Variants in SLC44A3 observed in about 807,000 individuals in gnomAD.
The protein encoded by SLC44A3 is choline transporter-like protein 3.
SLC44A3 carries 74 observed loss-of-function variants against 75.4 expected under a neutral mutation model. The observed-to-expected ratio is 0.98, with a 90% CI of 0.81 to 1.19. SLC44A3 has a LOEUF of 1.19. Ranked by LOEUF, SLC44A3 falls within the 50% of genes most tolerant of loss-of-function variation. The pLI is 0.00. For synonymous variants in SLC44A3, 310 were observed against 296.9 expected (o/e 1.04, Z -0.45); for missense variants, 700 against 778.6 (o/e 0.90, Z 1.20).
At chr1:94,850,164 T>C (rs901864813) in intron 9 of SLC44A3, among the ~76,000 whole-genome samples, 1 of 152,242 alleles carries the variant, frequency 6.6e-6, no homozygotes, top group South Asian at 2.1e-4. Flanking sequence ...ATCATTCTTT[T>C]GACTAGTTGA....
In SLC44A3 at chr1:94,894,920, T is replaced by C. The variant is rs759004962; in HGVS notation, c.1960T>C (p.Ter654GlnextTer4). 4.4e-6 allele frequency: 7 copies of C among 1,606,494 alleles called. No individual in the cohort carries two copies. In the East Asian group the frequency reaches 9.0e-5, roughly 21 times the overall value. Residue 654 changes from the stop codon to glutamine, a stop_lost, in exon 15 of 15, where the codon TAG becomes CAG. Transcript: ENST00000271227. ...EGTELQAIVR[*>Q] ...AACAGAACTCCAGGCCATTGTGAGATAGATACCCATTTAGGTATCTGTACC... is the reference window on the plus strand; with the variant it reads ...AACAGAACTCCAGGCCATTGTGAGACAGATACCCATTTAGGTATCTGTACC...
chr1:94,863,428 C>T (rs532818082), intron 10 of SLC44A3, among the ~76,000 whole-genome samples: 83 of 152,236 alleles, frequency 5.5e-4, no homozygotes, highest in African/African-American at 2.0e-3. Context: ...GTTTCCCTAC[C>T]AGATGGAAAG....
At chr1:94,854,228 A>G (rs1665571634) in intron 9 of SLC44A3, among the ~76,000 whole-genome samples, 1 of 152,204 alleles carries the variant, frequency 6.6e-6, no homozygotes, top group East Asian at 1.9e-4. Context: ...TGCTTAGGGG[A>G]CAGTGCAGAG....
At chr1:94,892,973 A>AT (rs1398038935) in intron 14 of SLC44A3, among the ~76,000 whole-genome samples, 1 of 152,212 alleles carries the variant, frequency 6.6e-6, no homozygotes, top group Non-Finnish European at 1.5e-5. Context: ...CTGTGCCAGT[A>AT]TTGACAGATC....
chr1:94,825,685 G>A (rs890756335), intron 3 of SLC44A3: 3 of 345,198 alleles, frequency 8.7e-6, no homozygotes, highest in African/African-American at 2.2e-5. Flanking sequence ...AAATCCTAAG[G>A]ATCTAAATAA....
chr1:94,820,934 C>G lies in SLC44A3; in HGVS notation c.28-15C>G, dbSNP rs1269551952. 2.6e-6 allele frequency: 4 copies of G among 1,547,346 alleles called. No homozygotes were observed. Among genetic ancestry groups the G allele is most frequent in the Non-Finnish European group, 3.5e-6 (4 of 1,144,092 alleles). On this transcript the variant is annotated splice_polypyrimidine_tract_variant and intron_variant, in intron 1 of 14. Transcript: ENST00000271227. The stretch of plus-strand genomic sequence containing the variant: ...TGTTTATCTTCTTTTTCTCAACTCT[C>G]CCTTTTTCTGGAAGGTTTCTGCAGA...
At chr1:94,884,760 T>C (rs997693006) in intron 12 of SLC44A3, among the ~76,000 whole-genome samples, 1 of 152,146 alleles carries the variant, frequency 6.6e-6, no homozygotes, top group African/African-American at 2.4e-5. Flanking sequence ...CTCAGCATGA[T>C]GGACAAAAGG....
At chr1:94,839,562 T>C (rs1663302227) in intron 6 of SLC44A3, among the ~76,000 whole-genome samples, 1 of 152,092 alleles carries the variant, frequency 6.6e-6, no homozygotes. Context: ...CTAATTTTTG[T>C]ATTTTTAGTA....
At chr1:94,832,342 G>A (rs1014502958) in intron 5 of SLC44A3, among the ~76,000 whole-genome samples, 4 of 151,758 alleles carry the variant, frequency 2.6e-5, no homozygotes, top group African/African-American at 9.7e-5. Context: ...CTTACATTCT[G>A]AAGTGTATTA....
chr1:94,869,174 A>G (rs1326850441), intron 12 of SLC44A3, among the ~76,000 whole-genome samples: 1 of 152,190 alleles, frequency 6.6e-6, no homozygotes, highest in African/African-American at 2.4e-5. Context: ...TGAGATACGT[A>G]TTTTCCTGCC....
At chr1:94,840,080 A>G in intron 7 of SLC44A3, 43 bp downstream of exon 7, 1 of 1,528,554 alleles carries the variant, frequency 6.5e-7, no homozygotes, top group Non-Finnish European at 9.1e-7. Flanking sequence ...CGATTAAATG[A>G]AAAGCCTTTA....
chr1:94,877,250 C>T (rs994881414), intron 12 of SLC44A3, among the ~76,000 whole-genome samples: 5 of 152,144 alleles, frequency 3.3e-5, no homozygotes, highest in African/African-American at 7.2e-5. Flanking sequence ...CCTGCACACT[C>T]GCCTGCTGCT....
chr1:94,823,968 A>G (rs1660954467), intron 2 of SLC44A3, among the ~76,000 whole-genome samples: 1 of 152,178 alleles, frequency 6.6e-6, no homozygotes, highest in Non-Finnish European at 1.5e-5. Context: ...TTTATTTTGT[A>G]TGTCTTAAGC....
chr1:94,867,612 A>G (rs111610173), intron 12 of SLC44A3, among the ~76,000 whole-genome samples, 195 bp downstream of exon 12: 6 of 152,360 alleles, frequency 3.9e-5, no homozygotes, highest in East Asian at 1.9e-4. Flanking sequence ...TAAAATGTCA[A>G]TGGGATGGAT....
chr1:94,836,679 A>G (rs1662833372), intron 5 of SLC44A3: 1 of 152,144 alleles, frequency 6.6e-6, no homozygotes, highest in South Asian at 2.1e-4. Context: ...ACTTTGAGAC[A>G]TCAAGGCAGG....
chr1:94,845,062 C>T (rs698963), intron 8 of SLC44A3, among the ~76,000 whole-genome samples: 33,841 of 151,988 alleles, frequency 0.22, 3,984 homozygotes, highest in African/African-American at 0.29. Context: ...GTGTCTTCTT[C>T]GCTATTATGT....
intron 12 of SLC44A3, among the ~76,000 whole-genome samples, chr1:94,883,632 C>T (rs1053116747): frequency 1.3e-5 from 2 of 151,856 alleles, no homozygotes; most frequent in South Asian, 2.1e-4. Flanking sequence ...CAGGAGAAGG[C>T]GTGAGAGGAC....
chr1:94,852,285 G>GA (rs1665309886), intron 9 of SLC44A3, among the ~76,000 whole-genome samples: 1 of 152,180 alleles, frequency 6.6e-6, no homozygotes, highest in South Asian at 2.1e-4. Context: ...AGGACAAATA[G>GA]GAAATGCATG....
rs369006609 is a variant in SLC44A3, at chr1:94,877,440, C to T, written c.1482+10023C>T. ...TAACTGGGGGAATGAGCACAGAGCC[C>T]GAGTCCTGCTTGAATGGGGAATGTG... is the stretch of plus-strand genomic sequence containing the variant. On this transcript the variant is annotated intron_variant, in intron 12 of 14. Coordinates refer to ENST00000271227, the MANE Select transcript of SLC44A3 (RefSeq NM_001114106.3). 1.6e-4 allele frequency among the ~76,000 whole-genome samples: 24 copies of T among 152,060 alleles called. 1 individual carries two copies. The highest frequency in any genetic ancestry group is 1.2e-3 in the South Asian group (6 of 4,806).
Sources: allele counts gnomAD v4.1 joint callset (sites outside exome capture counted in the v4.1 genomes callset), GRCh38; gene constraint gnomAD v4.1.1; transcripts MANE v1.5; gene names NCBI Gene and HGNC (gene_info 2026-07-23, HGNC 2026-07-21).